Variants in SYNPO2 observed in about 807,000 individuals in gnomAD.
The protein encoded by SYNPO2 is synaptopodin 2, also known as synaptopodin-2.
SYNPO2 carries 56 observed loss-of-function variants against 85.0 expected under a neutral mutation model. The ratio of observed to expected loss-of-function variants is 0.66; its 90% CI spans 0.53 to 0.82. The LOEUF is 0.82. SYNPO2 is among the 40% of genes least tolerant of loss of function. SYNPO2 has a pLI of 0.00. For synonymous variants in SYNPO2, 602 were observed against 591.1 expected (o/e 1.02, Z -0.27); for missense variants, 1,575 against 1,534.2 (o/e 1.03, Z -0.44).
intron 1 of SYNPO2, among the ~76,000 whole-genome samples, chr4:118,897,358 G>A (rs1732583678): frequency 6.6e-6 from 1 of 151,986 alleles, no homozygotes; most frequent in Admixed American, 6.6e-5. Flanking sequence ...ATTTCAGTGG[G>A]GACACAGAGC....
intron 1 of SYNPO2, among the ~76,000 whole-genome samples, chr4:118,930,993 G>A (rs1578561049): frequency 6.6e-6 from 1 of 151,770 alleles, no homozygotes; most frequent in South Asian, 2.1e-4. Context: ...TTACCCACAG[G>A]GATGACTCAG....
Position 119,030,577 on chromosome 4 carries a change from C to G in SYNPO2, c.1802C>G (p.Thr601Ser). The G allele has an allele frequency of 3.7e-6, 6 of 1,614,124 alleles. No individual in the cohort carries two copies. The highest frequency in any genetic ancestry group is 5.1e-6 in the Non-Finnish European group (6 of 1,180,016). ...PFPGSVNQPA[T>S]PFSPTRNMTS... ...CCAGGGTCTGTGAATCAGCCAGCTA[C>G]CCCCTTCTCGCCAACCCGAAACATG... Residue 601 changes from threonine (T) to serine (S), a missense_variant, in exon 4 of 5, where the codon ACC becomes AGC. Coordinates refer to ENST00000307142, the MANE Select transcript of SYNPO2 (RefSeq NM_133477.3).
intron 1 of SYNPO2, among the ~76,000 whole-genome samples, chr4:118,999,712 A>C (rs1736753528): frequency 6.6e-6 from 1 of 152,162 alleles, no homozygotes; most frequent in Non-Finnish European, 1.5e-5. Flanking sequence ...CAGGAGAATA[A>C]TCAGGTGAAG....
chr4:119,045,111 A>G (rs545546147), intron 4 of SYNPO2, among the ~76,000 whole-genome samples: 44 of 152,346 alleles, frequency 2.9e-4, no homozygotes, highest in African/African-American at 1.0e-3. Flanking sequence ...ATTTTTCTCT[A>G]AAAAAGCAAA....
intron 4 of SYNPO2, chr4:119,043,276 A>T (rs1468471331): frequency 6.6e-6 from 1 of 152,044 alleles, no homozygotes; most frequent in African/African-American, 2.4e-5. Context: ...ATGTGTATTG[A>T]TGAGGGCCTA....
intron 4 of SYNPO2, among the ~76,000 whole-genome samples, chr4:119,045,540 CT>C (rs1162001066): frequency 2.0e-5 from 3 of 152,322 alleles, no homozygotes; most frequent in African/African-American, 7.2e-5. Flanking sequence ...ATGAAAATTA[CT>C]TGTTTCTCCA....
At chr4:119,038,289 GA>G (rs1229640936) in intron 4 of SYNPO2, 11 of 984,804 alleles carry the variant, frequency 1.1e-5, no homozygotes, top group Non-Finnish European at 2.4e-6. Context: ...CATTTCCCAA[GA>G]TGGCTCAGAA....
chr4:118,976,367 T>C (rs1327649447), intron 1 of SYNPO2, among the ~76,000 whole-genome samples: 1 of 151,948 alleles, frequency 6.6e-6, no homozygotes, highest in Non-Finnish European at 1.5e-5. Context: ...TCGCGGTGAG[T>C]GTTACAGCTC....
chr4:119,033,308 CT>C, intron 4 of SYNPO2: 1 of 985,414 alleles, frequency 1.0e-6, no homozygotes, highest in Non-Finnish European at 1.2e-6. Context: ...CAATTCTATT[CT>C]CTCACCTTCA....
At chr4:118,974,038 G>C (rs1231712421) in intron 1 of SYNPO2, among the ~76,000 whole-genome samples, 2 of 152,218 alleles carry the variant, frequency 1.3e-5, no homozygotes, top group Non-Finnish European at 1.5e-5. Flanking sequence ...TGCTTATCTT[G>C]GTCATATGAT....
At chr4:118,855,546 G>A (rs1208104328) in intron 1 of SYNPO2, among the ~76,000 whole-genome samples, 1 of 152,004 alleles carries the variant, frequency 6.6e-6, no homozygotes, top group Non-Finnish European at 1.5e-5. Flanking sequence ...TAGTTTCATT[G>A]AAAGAGAATA....
intron 1 of SYNPO2, among the ~76,000 whole-genome samples, chr4:118,879,052 C>T (rs574937059): frequency 6.6e-6 from 1 of 152,210 alleles, no homozygotes; most frequent in Non-Finnish European, 1.5e-5. Context: ...GAGGCACCAC[C>T]TTTAAGAGCT....
Position 118,863,464 on chromosome 4 carries a change from C to T in SYNPO2, c.12+12524C>T, listed in dbSNP as rs1560802112. Among the ~76,000 whole-genome samples, 3 of 152,278 alleles carry T rather than the reference C, an allele frequency of 2.0e-5. No homozygotes were observed. In the South Asian group the frequency reaches 6.2e-4, roughly 32 times the overall value. ...GTCATATAGTTGCTTATAGTAGTCACTAATAATCCTTTGAATTTCTGCAGT... is the reference window on the plus strand; with the variant it reads ...GTCATATAGTTGCTTATAGTAGTCATTAATAATCCTTTGAATTTCTGCAGT... On this transcript the variant is annotated intron_variant, in intron 1 of 4. Transcript: ENST00000610556.
chr4:119,055,156 TA>T (rs1325862459), intron 4 of SYNPO2, among the ~76,000 whole-genome samples: 565 of 131,374 alleles, frequency 4.3e-3, no homozygotes, highest in African/African-American at 5.9e-3. Flanking sequence ...TTTATTTATT[TA>T]TTTTTTTTTT....
At chr4:118,890,765 A>G (rs952400762) in intron 1 of SYNPO2, among the ~76,000 whole-genome samples, 2 of 141,776 alleles carry the variant, frequency 1.4e-5, no homozygotes, top group Non-Finnish European at 3.1e-5. Context: ...GTAGGGAGAG[A>G]GAGACAAATA....
chr4:118,869,256 C>T (rs561165295), intron 1 of SYNPO2, among the ~76,000 whole-genome samples: 1 of 152,140 alleles, frequency 6.6e-6, no homozygotes, highest in Admixed American at 6.6e-5. Flanking sequence ...CGGGGTTTCT[C>T]TATGTTGGTC....
chr4:118,902,318 A>G (rs746301431), intron 1 of SYNPO2, among the ~76,000 whole-genome samples: 1 of 152,214 alleles, frequency 6.6e-6, no homozygotes, highest in African/African-American at 2.4e-5. Flanking sequence ...GCCGATAAAG[A>G]CATACCTGAG....
chr4:118,958,696 CCT>C (rs1734965628), intron 1 of SYNPO2, among the ~76,000 whole-genome samples: 1 of 152,160 alleles, frequency 6.6e-6, no homozygotes. Flanking sequence ...CTTTGCACCT[CCT>C]CCTATAGTCT....
intron 1 of SYNPO2, among the ~76,000 whole-genome samples, chr4:118,905,810 A>T (rs1158751063): frequency 6.6e-6 from 1 of 152,196 alleles, no homozygotes; most frequent in Non-Finnish European, 1.5e-5. Flanking sequence ...ACATGGGCTC[A>T]GTGTCCTGGA....
Sources: gnomAD v4.1 joint callset for allele counts (sites outside exome capture counted in the v4.1 genomes callset) on GRCh38, gnomAD v4.1.1 for gene constraint, MANE v1.5 for transcripts, NCBI Gene and HGNC (gene_info 2026-07-23, HGNC 2026-07-21) for gene names.